The following CFAP251 variants were observed in gnomAD, a reference collection of about 807,000 sequenced individuals.
CFAP251 encodes cilia- and flagella-associated protein 251.
Under a neutral mutation model 126.7 loss-of-function variants are expected in CFAP251, and 93 were observed. The ratio of observed to expected loss-of-function variants is 0.73; its 90% confidence interval spans 0.62 to 0.87. CFAP251 has a LOEUF of 0.87. CFAP251 is among the 40% of genes least tolerant of loss of function. The pLI is 0.00. For missense variants in CFAP251, 1,287 were observed against 1,389.2 expected (o/e 0.93, Z 1.17); for synonymous variants, 503 against 506.9 (o/e 0.99, Z 0.10).
rs1410385395 is a variant in CFAP251 at position 121,981,052 on chromosome 12, C to T, written c.3006+5367C>T. 3.3e-5 allele frequency among the ~76,000 whole-genome samples: 5 copies of T among 152,350 alleles called. No individual in the cohort carries two copies. In the East Asian group the frequency reaches 5.8e-4, roughly 18 times the overall value. ...TGCTTACTCAGTGGGGGGCTCTTCC[C>T]TCAGTATTTCCTGTTGAGTCAGCAT... is the stretch of plus-strand genomic sequence containing the variant. On this transcript the variant is annotated intron_variant, in intron 19 of 21. Transcript: ENST00000288912.
chr12:121,981,675 C>G (rs954031557), intron 19 of CFAP251, among the ~76,000 whole-genome samples: 3 of 152,200 alleles, frequency 2.0e-5, no homozygotes, highest in Admixed American at 1.3e-4. Context: ...ATGAAAGTCA[C>G]CAAAATGCCA....
Position 121,957,229 on chromosome 12 carries a change from C to A in CFAP251, c.1691C>A (p.Pro564His). ...CCTCCTACTGAAAAATCAAACTATCCTCCTGACTGCACTTTAAAAGGTGAC... is the reference window on the plus strand; with the variant it reads ...CCTCCTACTGAAAAATCAAACTATCATCCTGACTGCACTTTAAAAGGTGAC... Reference protein sequence around the residue: ...ATPPTEKSNYPPDCTLKGDLF... With the variant: ...ATPPTEKSNYHPDCTLKGDLF... The change falls in exon 11 of 22, where the codon CCT becomes CAT. Residue 564 changes from proline (P) to histidine (H), a missense_variant. Pro to His is a moderately conservative substitution (Grantham distance 77, BLOSUM62 -2). Transcript: ENST00000288912. The A allele has an allele frequency of 6.2e-7, 1 of 1,613,666 alleles. No homozygotes were observed. The highest frequency in any genetic ancestry group is 8.5e-7 in the Non-Finnish European group (1 of 1,179,892).
intron 19 of CFAP251, among the ~76,000 whole-genome samples, chr12:121,991,896 G>C (rs1464912119): frequency 1.3e-5 from 2 of 152,160 alleles, no homozygotes; most frequent in Non-Finnish European, 2.9e-5. Flanking sequence ...GGGAGGCTGA[G>C]GCAGGAGAAT....
At chr12:121,968,239 T>C (rs556353127) in intron 17 of CFAP251, 70 bp downstream of exon 17, 9 of 1,450,220 alleles carry the variant, frequency 6.2e-6, no homozygotes, top group Non-Finnish European at 8.4e-6. Context: ...TGATAGACAC[T>C]GAACCCTACT....
chr12:121,921,329 C>G lies in CFAP251; in HGVS notation c.24C>G (p.Pro8=). 6.3e-7 allele frequency: 1 copy of G among 1,597,578 alleles called. No individual in the cohort carries two copies. Among genetic ancestry groups the G allele is most frequent in the Non-Finnish European group, 8.5e-7 (1 of 1,175,122 alleles). Reference sequence around the variant, plus strand: ...GAATGTCAGATGCAGCAGAAGCTCCCCGAGAAGCAACAGGAGAAAATGGAG... The same window carrying G: ...GAATGTCAGATGCAGCAGAAGCTCCGCGAGAAGCAACAGGAGAAAATGGAG... MSDAAEA[P]REATGENGET... The change falls in exon 2 of 22, where the codon CCC becomes CCG. Residue 8 remains proline (P), a synonymous_variant. Coordinates refer to ENST00000288912, the MANE Select transcript of CFAP251 (RefSeq NM_144668.6).
Position 121,958,368 on chromosome 12 carries a change from T to C in CFAP251, c.1827T>C (p.Ile609=). The C allele has an allele frequency of 6.2e-7, 1 of 1,614,220 alleles. No homozygotes were observed. Residue 609 remains isoleucine, a synonymous_variant, in exon 12 of 22, where the codon ATT becomes ATC. Transcript: ENST00000288912. ...TATTTGTAGAGCCCAAGGATGCCAT[T>C]TGTGCCATCTCCTGCCACCCATATC... is the stretch of plus-strand genomic sequence containing the variant. ...EKLFVEPKDA[I]CAISCHPYQP...
intron 4 of CFAP251, among the ~76,000 whole-genome samples, chr12:121,933,867 C>T (rs1475893303): frequency 6.6e-6 from 1 of 151,960 alleles, no homozygotes; most frequent in African/African-American, 2.4e-5. Context: ...GAACTTTTTG[C>T]CCCAGAGCTG....
chr12:121,942,220 C>T (rs192712991), intron 5 of CFAP251, among the ~76,000 whole-genome samples: 2 of 152,252 alleles, frequency 1.3e-5, no homozygotes, highest in East Asian at 3.9e-4. Flanking sequence ...TTCACCGCCC[C>T]AGAAGGACAC....
At chr12:121,940,135 A>G (rs867601303) in intron 5 of CFAP251, among the ~76,000 whole-genome samples, 52 of 152,238 alleles carry the variant, frequency 3.4e-4, no homozygotes, top group African/African-American at 1.2e-3. Context: ...TATATTTTAA[A>G]TTAGCATCAC....
intron 2 of CFAP251, 45 bp downstream of exon 2, chr12:121,921,728 T>C (rs1880187246): frequency 6.4e-7 from 1 of 1,559,038 alleles, no homozygotes; most frequent in East Asian, 2.2e-5. Context: ...TCAGAATCAT[T>C]AGTTGAATGC....
intron 7 of CFAP251, 32 bp downstream of exon 7, chr12:121,943,007 C>T (rs1420641074): frequency 1.2e-6 from 2 of 1,611,010 alleles, no homozygotes; most frequent in East Asian, 2.2e-5. Context: ...AAACATCAAC[C>T]TGAAGTTATA....
intron 19 of CFAP251, among the ~76,000 whole-genome samples, chr12:121,984,752 T>A (rs1476279433): frequency 2.0e-5 from 3 of 152,234 alleles, no homozygotes; most frequent in Non-Finnish European, 4.4e-5. Flanking sequence ...TCCTCCAGGA[T>A]GTTGGACTGT....
chr12:121,938,434 A>G (rs1880975616), intron 5 of CFAP251, among the ~76,000 whole-genome samples: 1 of 150,598 alleles, frequency 6.6e-6, no homozygotes, highest in Non-Finnish European at 1.5e-5. Flanking sequence ...TGATCCTCCC[A>G]TCTCAGCCTC....
chr12:121,979,863 G>A (rs534098064), intron 19 of CFAP251, among the ~76,000 whole-genome samples: 1 of 152,254 alleles, frequency 6.6e-6, no homozygotes, highest in East Asian at 1.9e-4. Context: ...ACCGTGCCCG[G>A]CCTCAGCCTT....
At chr12:121,993,750 G>C (rs1367921289) in intron 19 of CFAP251, among the ~76,000 whole-genome samples, 1 of 151,338 alleles carries the variant, frequency 6.6e-6, no homozygotes, top group African/African-American at 2.4e-5. Flanking sequence ...CGTCTGAGAA[G>C]TGAGGAGCCC....
Position 121,962,094 on chromosome 12 carries a change from A to G in CFAP251, c.2424A>G (p.Glu808=). ...CMVWYPPLTR[E]LFLLICNSGY... is the part of the protein sequence containing the mutation. ...TCTGGTACCCACCACTCACCAGGGAACTCTTCCTGCTTATTTGCAACAGTG... is the reference window on the plus strand; with the variant it reads ...TCTGGTACCCACCACTCACCAGGGAGCTCTTCCTGCTTATTTGCAACAGTG... Residue 808 remains glutamate (E), a synonymous_variant, in exon 15 of 22, where the codon GAA becomes GAG. Transcript: ENST00000288912. The G allele has an allele frequency of 6.2e-7, 1 of 1,613,890 alleles. No homozygotes were observed. The highest frequency in any genetic ancestry group is 2.2e-5 in the East Asian group (1 of 44,892).
Position 121,939,398 on chromosome 12 carries a change from G to A in CFAP251, c.999-3136G>A, listed in dbSNP as rs904767667. ...CACATCCAACTTAACCACAAGGGAA[G>A]GGTATTATCTCATGCAGTAGAAGCC... is the stretch of plus-strand genomic sequence containing the variant. On this transcript the variant is annotated intron_variant, in intron 5 of 21. Transcript: ENST00000288912. 2.6e-5 allele frequency among the ~76,000 whole-genome samples: 4 copies of A among 152,236 alleles called. No homozygotes were observed. The South Asian group carries it at 6.2e-4, about 24-fold the overall frequency.
intron 17 of CFAP251, 117 bp from the exon 18 acceptor site, chr12:121,975,127 C>T: frequency 1.3e-6 from 1 of 762,498 alleles, no homozygotes; most frequent in Non-Finnish European, 2.2e-6. Flanking sequence ...TGTAGAGACC[C>T]TAACTGTATC....
At chr12:122,000,775 C>T (rs997953067) in intron 20 of CFAP251, among the ~76,000 whole-genome samples, 4 of 152,008 alleles carry the variant, frequency 2.6e-5, no homozygotes, top group South Asian at 2.1e-4. Flanking sequence ...GCCTGGTCCC[C>T]GCAGCATGCT....
Sources: allele counts gnomAD v4.1 joint callset (sites outside exome capture counted in the v4.1 genomes callset), GRCh38; gene constraint gnomAD v4.1.1; transcripts MANE v1.5; gene names NCBI Gene and HGNC (gene_info 2026-07-23, HGNC 2026-07-21).